Variants in RIDA observed in about 807,000 individuals in gnomAD.
The protein encoded by RIDA is reactive intermediate imine deaminase A.
A neutral mutation model predicts 17.8 loss-of-function variants in RIDA; 17 were observed. That is an observed-to-expected ratio of 0.96 (90% CI 0.65 to 1.43). RIDA has a LOEUF of 1.43. RIDA is among the 40% of genes most tolerant of loss of function. The probability of loss-of-function intolerance (pLI) is 0.00; values close to 1 mark genes in which losing one functional copy is unlikely to be tolerated. For missense variants in RIDA, 158 were observed against 161.7 expected (o/e 0.98, Z 0.12); for synonymous variants, 48 against 55.7 (o/e 0.86, Z 0.62).
chr8:98,107,503 G>A lies in RIDA; in HGVS notation c.171+1143C>T, dbSNP rs183608679. On this transcript the variant is annotated intron_variant, in intron 2 of 5. Transcript: ENST00000254878. ...CACGACACTGCACTCCAGCCTGGGC[G>A]ACAGAGCAAGGCTGTCTCAAGAAAC... 9.9e-5 allele frequency among the ~76,000 whole-genome samples: 15 copies of A among 152,270 alleles called. No individual in the cohort carries two copies. In the South Asian group the frequency reaches 1.5e-3, roughly 15 times the overall value.
At chr8:98,115,812 T>C (rs190075283) in intron 1 of RIDA, among the ~76,000 whole-genome samples, 12 of 152,360 alleles carry the variant, frequency 7.9e-5, no homozygotes, top group African/African-American at 2.9e-4. Flanking sequence ...TTACTTTCTA[T>C]TGAATTGTTT....
chr8:98,104,536 T>C lies in RIDA; in HGVS notation c.304A>G (p.Ser102Gly), dbSNP rs368858904. The change falls in exon 5 of 6, where the codon AGT (serine) becomes GGT (glycine). Residue 102 changes from serine to glycine, a missense_variant. Coordinates refer to ENST00000254878, the MANE Select transcript of RIDA (RefSeq NM_005836.3). ...VNEIYKQYFK[S>G]NFPARAAYQV... ...TAAGCAGCTCTAGCAGGAAAATTACTCTTGAAATCTGAATTTAAAAGAATT... is the reference window on the plus strand; with the variant it reads ...TAAGCAGCTCTAGCAGGAAAATTACCCTTGAAATCTGAATTTAAAAGAATT... 1.7e-5 allele frequency: 27 copies of C among 1,579,192 alleles called. No homozygotes were observed. The highest frequency in any genetic ancestry group is 2.1e-5 in the Non-Finnish European group (24 of 1,150,372).
At chr8:98,106,642 G>A in intron 2 of RIDA, 1 of 253,592 alleles carries the variant, frequency 3.9e-6, no homozygotes, top group Non-Finnish European at 7.6e-6. Flanking sequence ...ATCACGTCAA[G>A]GATAAGGATG....
intron 4 of RIDA, 138 bp from the exon 5 acceptor site, chr8:98,104,682 T>C (rs1344214651): frequency 1.6e-6 from 1 of 627,662 alleles, no homozygotes; most frequent in Non-Finnish European, 2.8e-6. Context: ...ATATTTCATA[T>C]ACTAGTCAGT....
chr8:98,116,169 C>T (rs777682127), intron 1 of RIDA, among the ~76,000 whole-genome samples: 10 of 152,206 alleles, frequency 6.6e-5, no homozygotes, highest in Non-Finnish European at 1.3e-4. Context: ...ACCTTCAAAA[C>T]CAAAGGACTA....
chr8:98,115,069 C>G (rs1262786269), intron 1 of RIDA, among the ~76,000 whole-genome samples: 1 of 151,952 alleles, frequency 6.6e-6, no homozygotes, highest in African/African-American at 2.4e-5. Flanking sequence ...TATAATATAA[C>G]CATGCACATA....
intron 2 of RIDA, 95 bp downstream of exon 2, chr8:98,108,551 T>A (rs1815666266): frequency 5.1e-6 from 4 of 784,112 alleles, no homozygotes; most frequent in Non-Finnish European, 9.0e-6. Context: ...TATCTGTTAA[T>A]CTCTATAAAA....
chr8:98,108,102 A>G (rs996846857), intron 2 of RIDA, among the ~76,000 whole-genome samples: 4 of 149,250 alleles, frequency 2.7e-5, no homozygotes, highest in African/African-American at 7.5e-5. Flanking sequence ...TTTAGTAGAG[A>G]TGGGGTTTCA....
At chr8:98,106,429 T>A in intron 2 of RIDA, 103 bp from the exon 3 acceptor site, 1 of 938,064 alleles carries the variant, frequency 1.1e-6, no homozygotes, top group South Asian at 1.5e-5. Context: ...AAATAGCCTA[T>A]GTTGCAGAAA....
In RIDA at chr8:98,102,515, T is replaced by C. The variant is rs1448424547; in HGVS notation, c.*327A>G. On this transcript the variant is annotated 3_prime_UTR_variant, in exon 6 of 6. Transcript: ENST00000254878. ...TCACATCATTAGTTTAAATTAAATA[T>C]GTTCTTGATTATTTCTCAGGAATAG... The C allele has an allele frequency of 5.4e-6, 1 of 186,382 alleles. No homozygotes were observed. Among genetic ancestry groups the C allele is most frequent in the South Asian group, 1.8e-4 (1 of 5,472 alleles). The allele number at this position is 186,382 out of a possible 1,614,324, so 11.5% of individuals were successfully genotyped here.
intron 1 of RIDA, among the ~76,000 whole-genome samples, chr8:98,110,022 C>T (rs1250804805): frequency 1.3e-5 from 2 of 152,190 alleles, no homozygotes; most frequent in African/African-American, 2.4e-5. Context: ...GACACACACA[C>T]ATGCACCCAC....
intron 1 of RIDA, among the ~76,000 whole-genome samples, chr8:98,110,240 TG>T (rs113180489): frequency 6.6e-6 from 1 of 152,186 alleles, no homozygotes; most frequent in African/African-American, 2.4e-5. Flanking sequence ...CTAAAACTCA[TG>T]GAACACTACA....
chr8:98,113,076 C>G (rs1290176348), intron 1 of RIDA, among the ~76,000 whole-genome samples: 1 of 152,210 alleles, frequency 6.6e-6, no homozygotes, highest in Non-Finnish European at 1.5e-5. Context: ...AAAGGGTAAT[C>G]ACACTTTCAA....
intron 1 of RIDA, among the ~76,000 whole-genome samples, chr8:98,116,004 T>C (rs755934790): frequency 1.3e-5 from 2 of 152,302 alleles, no homozygotes; most frequent in Admixed American, 6.5e-5. Context: ...AAAATCTTTA[T>C]ACCATGCATT....
At chr8:98,108,789 T>G (rs780984207) in intron 1 of RIDA, 38 bp from the exon 2 acceptor site, 1 of 1,331,448 alleles carries the variant, frequency 7.5e-7, no homozygotes, top group South Asian at 1.2e-5. Flanking sequence ...TATGTAAGTA[T>G]AAAACATAAA....
chr8:98,107,215 A>G (rs1478281910), intron 2 of RIDA, among the ~76,000 whole-genome samples: 3 of 152,190 alleles, frequency 2.0e-5, no homozygotes, highest in South Asian at 4.1e-4. Flanking sequence ...ATGAGTGGAT[A>G]TTTAGGTTTT....
intron 5 of RIDA, 32 bp downstream of exon 5, chr8:98,104,457 C>G: frequency 1.5e-6 from 2 of 1,326,442 alleles, no homozygotes; most frequent in Non-Finnish European, 2.2e-6. Context: ...AAACTGAAAA[C>G]TGTGTACATT....
Position 98,115,416 on chromosome 8 carries a change from G to T in RIDA, c.65+1616C>A, listed in dbSNP as rs113483981. On this transcript the variant is annotated intron_variant, in intron 1 of 5. Coordinates refer to ENST00000254878, the MANE Select transcript of RIDA (RefSeq NM_005836.3). The stretch of plus-strand genomic sequence containing the variant: ...AAAAAAAAAAAAAAAAAAAAAAAAA[G>T]GGATAGTGCCCAATGCTGCTGAGTA... Among the ~76,000 whole-genome samples, 42 of 84,788 alleles carry T rather than the reference G, an allele frequency of 5.0e-4. 1 individual carries two copies. The highest frequency in any genetic ancestry group is 2.1e-3 in the African/African-American group (40 of 18,894). The allele number at this position is 84,788 out of a possible 152,430, so 55.6% of individuals were successfully genotyped here. A position where few individuals can be genotyped will look rare whatever the true frequency, so the allele number is the denominator to read the frequency against.
intron 2 of RIDA, 48 bp from the exon 3 acceptor site, chr8:98,106,374 A>G (rs1052909030): frequency 2.1e-5 from 31 of 1,485,808 alleles, no homozygotes; most frequent in Non-Finnish European, 2.9e-5. Flanking sequence ...TTAGATTTAA[A>G]GCTTTAATTA....
Sources: allele counts gnomAD v4.1 joint callset (sites outside exome capture counted in the v4.1 genomes callset), GRCh38; gene constraint gnomAD v4.1.1; transcripts MANE v1.5; gene names NCBI Gene and HGNC (gene_info 2026-07-23, HGNC 2026-07-21).